Variants in ZFHX3 observed in about 807,000 individuals in gnomAD.
The protein encoded by ZFHX3 is zinc finger homeobox protein 3.
ZFHX3 carries 42 observed loss-of-function variants against 279.1 expected under a neutral mutation model. That is an observed-to-expected ratio of 0.15 (90% confidence interval 0.12 to 0.19). The LOEUF (loss-of-function observed/expected upper bound fraction) is 0.19, where lower values mean the gene tolerates loss of function less well. Among genes scored for constraint, ZFHX3 ranks in the 10% least tolerant of loss-of-function variants. The pLI is 1.00. For missense variants in ZFHX3, 4,981 were observed against 4,754.0 expected, an observed-to-expected ratio of 1.05 and a Z score of -1.40; for synonymous variants, 2,293 against 1,957.8, an observed-to-expected ratio of 1.17 and a Z score of -4.52.
At chr16:73,122,462 C>G (rs754898403) in intron 7 of ZFHX3, among the ~76,000 whole-genome samples, 1 of 152,060 alleles carries the variant, frequency 6.6e-6, no homozygotes, top group Non-Finnish European at 1.5e-5. Flanking sequence ...CTGCCTTGGC[C>G]TCTCAAAATG....
chr16:73,300,965 G>T (rs2015042811), intron 4 of ZFHX3, among the ~76,000 whole-genome samples: 1 of 152,200 alleles, frequency 6.6e-6, no homozygotes, highest in Non-Finnish European at 1.5e-5. Flanking sequence ...GCATTGCTGT[G>T]GGCTGTGTCA....
rs111861438 is a variant in ZFHX3 at position 73,537,341 on chromosome 16, T to C, written c.-1546-81083A>G. 1.3e-3 allele frequency among the ~76,000 whole-genome samples: 130 copies of C among 100,776 alleles called. 2 individuals are homozygous for C. The East Asian group carries it at 0.033, about 25-fold the overall frequency. 66.1% of individuals were successfully genotyped at this position (100,776 alleles called of 152,430 possible). A position where few individuals can be genotyped will look rare whatever the true frequency, so the allele number is the denominator to read the frequency against. On this transcript the variant is annotated intron_variant, in intron 2 of 17. Transcript: ENST00000641206. ...TTTTTTTTTTTTTTTTTTTTTTTTT[T>C]AGTCTCACTCTGTTGCCCAGGCTGG...
At chr16:73,542,108 T>G (rs973725422) in intron 2 of ZFHX3, among the ~76,000 whole-genome samples, 7 of 152,074 alleles carry the variant, frequency 4.6e-5, no homozygotes, top group African/African-American at 1.7e-4. Flanking sequence ...CCCTGTTTGG[T>G]GGTTCTTTTA....
At chr16:73,763,620 C>T (rs1165295522) in intron 1 of ZFHX3, among the ~76,000 whole-genome samples, 6 of 152,124 alleles carry the variant, frequency 3.9e-5, no homozygotes, top group Non-Finnish European at 5.9e-5. Context: ...ATGAGTCACA[C>T]TCTCATATAA....
chr16:73,064,357 A>G (rs1455772957), upstream of ZFHX3, among the ~76,000 whole-genome samples: 1 of 152,122 alleles, frequency 6.6e-6, no homozygotes, highest in Non-Finnish European at 1.5e-5. Context: ...GGCCAAGAGC[A>G]GACCAGCTGG....
At chr16:73,525,033 C>T (rs1247717186) in intron 2 of ZFHX3, among the ~76,000 whole-genome samples, 4 of 152,020 alleles carry the variant, frequency 2.6e-5, no homozygotes, top group Non-Finnish European at 5.9e-5. Context: ...ACCCCCATGC[C>T]GTAAAGACAC....
At chr16:72,946,578 C>T (rs776210546) in intron 3 of ZFHX3, among the ~76,000 whole-genome samples, 1 of 152,230 alleles carries the variant, frequency 6.6e-6, no homozygotes, top group Admixed American at 6.5e-5. Flanking sequence ...TGCCCCGCCC[C>T]CTCCGGGTAG....
chr16:73,345,763 T>C (rs1223352683), intron 3 of ZFHX3, among the ~76,000 whole-genome samples: 3 of 152,120 alleles, frequency 2.0e-5, no homozygotes, highest in Non-Finnish European at 4.4e-5. Context: ...CACCCAGTAA[T>C]GGGATGGCTG....
intron 3 of ZFHX3, among the ~76,000 whole-genome samples, chr16:72,899,311 A>C (rs1396550820): frequency 2.0e-5 from 3 of 152,090 alleles, no homozygotes; most frequent in Non-Finnish European, 4.4e-5. Context: ...TTCTTGTGAC[A>C]GCGAGTTCTC....
intron 4 of ZFHX3, among the ~76,000 whole-genome samples, chr16:73,265,579 C>T (rs1396515638): frequency 4.6e-5 from 7 of 152,110 alleles, no homozygotes; most frequent in East Asian, 1.9e-4. Context: ...CACCCGTTCC[C>T]ATCTACCTGT....
chr16:73,360,215 T>A (rs1456793846), intron 3 of ZFHX3, among the ~76,000 whole-genome samples: 1 of 152,246 alleles, frequency 6.6e-6, no homozygotes, highest in Non-Finnish European at 1.5e-5. Context: ...AATAGTATAA[T>A]AATAATTGCA....
Position 73,754,623 on chromosome 16 carries a change from T to C in ZFHX3, c.-1607-74383A>G, listed in dbSNP as rs558081753. ...AACAAATGTTTCCTACATCCCACTC[T>C]GGGTGCTCACAAGAGGCTACTTTGT... is the stretch of plus-strand genomic sequence containing the variant. On this transcript the variant is annotated intron_variant, in intron 1 of 17. Transcript: ENST00000641206. Among the ~76,000 whole-genome samples, 9 of 152,334 alleles carry C rather than the reference T, an allele frequency of 5.9e-5. No homozygotes were observed. In the South Asian group the frequency reaches 1.9e-3, roughly 32 times the overall value.
chr16:73,617,751 G>A (rs2052319667), intron 2 of ZFHX3, among the ~76,000 whole-genome samples: 1 of 152,072 alleles, frequency 6.6e-6, no homozygotes, highest in Non-Finnish European at 1.5e-5. Context: ...CATTGGGAGG[G>A]CTCTCAAAAT....
intron 4 of ZFHX3, among the ~76,000 whole-genome samples, chr16:72,881,787 GAAATCCAGGGACAGCACCCCC>G (rs879843732): frequency 9.2e-5 from 14 of 152,126 alleles, no homozygotes; most frequent in East Asian, 1.9e-4. Flanking sequence ...CCCCTCCAGT[GAAATCCAGGGACAGCACCCCC>G]AAATCCAGGG....
At chr16:73,316,690 C>G (rs147355025) in intron 4 of ZFHX3, among the ~76,000 whole-genome samples, 1 of 152,144 alleles carries the variant, frequency 6.6e-6, no homozygotes, top group Non-Finnish European at 1.5e-5. Context: ...CAAATTCTTG[C>G]GATAAAATGC....
At chr16:73,189,979 T>A (rs1427814530) in intron 5 of ZFHX3, among the ~76,000 whole-genome samples, 1 of 151,986 alleles carries the variant, frequency 6.6e-6, no homozygotes, top group South Asian at 2.1e-4. Context: ...GACACACAAT[T>A]GAGAAATGGA....
chr16:73,276,709 T>A (rs1246792336), intron 4 of ZFHX3, among the ~76,000 whole-genome samples: 1 of 152,242 alleles, frequency 6.6e-6, no homozygotes, highest in Non-Finnish European at 1.5e-5. Context: ...ATATTTCTGC[T>A]GTGGTTATTT....
At chr16:73,838,886 T>G (rs1488713599) in intron 1 of ZFHX3, among the ~76,000 whole-genome samples, 1 of 151,990 alleles carries the variant, frequency 6.6e-6, no homozygotes. Flanking sequence ...CTATGATGTT[T>G]TGTTGGCCTA....
At chr16:73,753,553 A>G (rs1205111099) in intron 1 of ZFHX3, among the ~76,000 whole-genome samples, 1 of 152,190 alleles carries the variant, frequency 6.6e-6, no homozygotes, top group African/African-American at 2.4e-5. Flanking sequence ...ACAGTTGCCA[A>G]CAGCCCATAA....
Sources: gnomAD v4.1 joint callset for allele counts (sites outside exome capture counted in the v4.1 genomes callset) on GRCh38, gnomAD v4.1.1 for gene constraint, MANE v1.5 for transcripts, NCBI Gene and HGNC (gene_info 2026-07-23, HGNC 2026-07-21) for gene names.